NKAIN2: variants seen among roughly 807,000 people sequenced by gnomAD.
NKAIN2 encodes sodium/potassium transporting ATPase interacting 2.
A neutral mutation model predicts 32.6 loss-of-function variants in NKAIN2; 14 were observed. That is an observed-to-expected ratio of 0.43 (90% CI 0.28 to 0.67). The LOEUF is 0.67. NKAIN2 is among the 30% of genes least tolerant of loss of function. The probability of loss-of-function intolerance (pLI) is 0.17; values close to 1 mark genes in which losing one functional copy is unlikely to be tolerated. For missense variants in NKAIN2, 198 were observed against 258.3 expected (o/e 0.77, Z 1.60); for synonymous variants, 80 against 87.2 (o/e 0.92, Z 0.46).
chr6:124,784,978 T>A (rs1213452956), intron 4 of NKAIN2, among the ~76,000 whole-genome samples: 1 of 152,150 alleles, frequency 6.6e-6, no homozygotes, highest in Non-Finnish European at 1.5e-5. Context: ...TTGTGTCCTT[T>A]GCCAAATTTC....
chr6:124,005,750 G>C (rs559406019), intron 1 of NKAIN2, among the ~76,000 whole-genome samples: 17 of 152,288 alleles, frequency 1.1e-4, no homozygotes, highest in African/African-American at 4.1e-4. Context: ...AGTTTTGACA[G>C]TCTGGTATGG....
intron 1 of NKAIN2, among the ~76,000 whole-genome samples, chr6:124,251,998 A>T (rs1472908421): frequency 2.0e-5 from 3 of 152,056 alleles, no homozygotes; most frequent in African/African-American, 7.2e-5. Flanking sequence ...TATATATTAC[A>T]TGTATTGAAA....
In NKAIN2 at chr6:124,729,763, C is replaced by G. The variant is rs1312497861; in HGVS notation, c.475-61576C>G. On this transcript the variant is annotated intron_variant, in intron 4 of 6. Coordinates refer to ENST00000368417, the MANE Select transcript of NKAIN2 (RefSeq NM_001040214.3). Reference sequence around the variant, plus strand: ...GTATTCAATTAGGAAAAGAGGAAGTCAAATTGTCCCTCTTTGCAGATGACA... The same window carrying G: ...GTATTCAATTAGGAAAAGAGGAAGTGAAATTGTCCCTCTTTGCAGATGACA... 5.3e-4 allele frequency among the ~76,000 whole-genome samples: 80 copies of G among 151,638 alleles called. 1 individual carries two copies. Among genetic ancestry groups the G allele is most frequent in the Admixed American group, 4.5e-3 (68 of 15,228 alleles).
intron 1 of NKAIN2, among the ~76,000 whole-genome samples, chr6:124,252,311 A>G (rs1394997342): frequency 6.6e-6 from 1 of 152,214 alleles, no homozygotes; most frequent in African/African-American, 2.4e-5. Flanking sequence ...AGAATAAATC[A>G]TAAAATAATT....
chr6:124,224,493 A>G (rs1013544195), intron 1 of NKAIN2, among the ~76,000 whole-genome samples: 2 of 152,082 alleles, frequency 1.3e-5, no homozygotes, highest in African/African-American at 4.8e-5. Context: ...AGATGCTGGT[A>G]AGCAAACTGT....
intron 3 of NKAIN2, among the ~76,000 whole-genome samples, chr6:124,540,330 C>T (rs1226295755): frequency 1.3e-5 from 2 of 152,202 alleles, no homozygotes; most frequent in Non-Finnish European, 2.9e-5. Flanking sequence ...GAAATTAAGT[C>T]TCATGGGTCT....
intron 5 of NKAIN2, among the ~76,000 whole-genome samples, chr6:124,809,170 G>C (rs564467189): frequency 6.6e-6 from 1 of 151,928 alleles, no homozygotes; most frequent in African/African-American, 2.4e-5. Flanking sequence ...AGCCTGCATC[G>C]CCAAGTCAAT....
intron 3 of NKAIN2, among the ~76,000 whole-genome samples, chr6:124,377,611 G>A (rs892898057): frequency 8.5e-5 from 13 of 152,114 alleles, no homozygotes; most frequent in African/African-American, 2.7e-4. Flanking sequence ...CACTGGCCAG[G>A]AGAGCAAGAG....
chr6:124,670,055 C>A (rs1031112810), intron 4 of NKAIN2, among the ~76,000 whole-genome samples: 2 of 151,980 alleles, frequency 1.3e-5, no homozygotes, highest in Non-Finnish European at 2.9e-5. Flanking sequence ...CGCAGTTTTG[C>A]CATTTGAAAG....
At chr6:124,803,407 A>G (rs1347344427) in intron 5 of NKAIN2, among the ~76,000 whole-genome samples, 1 of 152,196 alleles carries the variant, frequency 6.6e-6, no homozygotes, top group Non-Finnish European at 1.5e-5. Context: ...ATTCTTGACC[A>G]TTCACTGGAC....
intron 3 of NKAIN2, among the ~76,000 whole-genome samples, chr6:124,546,216 G>A (rs1780089303): frequency 6.6e-6 from 1 of 152,032 alleles, no homozygotes; most frequent in Non-Finnish European, 1.5e-5. Context: ...AGGAGTGGAG[G>A]GGCATACCCT....
chr6:124,218,245 G>A (rs993864450), intron 1 of NKAIN2, among the ~76,000 whole-genome samples: 2 of 152,092 alleles, frequency 1.3e-5, no homozygotes, highest in Non-Finnish European at 2.9e-5. Context: ...AAGATACATG[G>A]CATAGAGCAT....
chr6:124,806,158 G>A (rs1356399597), intron 5 of NKAIN2, among the ~76,000 whole-genome samples: 3 of 152,024 alleles, frequency 2.0e-5, no homozygotes, highest in Non-Finnish European at 4.4e-5. Context: ...GATACTCCTC[G>A]AGAAGAGCAA....
intron 1 of NKAIN2, among the ~76,000 whole-genome samples, chr6:123,914,249 C>A (rs1397943567): frequency 6.6e-6 from 1 of 150,412 alleles, no homozygotes; most frequent in African/African-American, 2.5e-5. Flanking sequence ...GACAGAGAGA[C>A]AGAGACAGAG....
intron 1 of NKAIN2, among the ~76,000 whole-genome samples, chr6:124,016,447 A>G (rs1780577825): frequency 6.6e-6 from 1 of 152,218 alleles, no homozygotes; most frequent in African/African-American, 2.4e-5. Context: ...TTTTCTCAAA[A>G]TAGATTGAAC....
chr6:124,581,056 AAGAG>A (rs1428818658), intron 3 of NKAIN2, among the ~76,000 whole-genome samples: 2 of 152,228 alleles, frequency 1.3e-5, no homozygotes, highest in African/African-American at 4.8e-5. Context: ...ATTAGAGCTA[AAGAG>A]AGAGATAGAC....
intron 2 of NKAIN2, among the ~76,000 whole-genome samples, chr6:124,294,247 C>G (rs982111123): frequency 2.0e-5 from 3 of 151,938 alleles, no homozygotes; most frequent in Non-Finnish European, 4.4e-5. Flanking sequence ...ACAATCTGCT[C>G]TAGTAGTAAC....
intron 3 of NKAIN2, among the ~76,000 whole-genome samples, chr6:124,396,465 T>C (rs80234262): frequency 0.011 from 1,588 of 149,692 alleles, 9 homozygotes; most frequent in Non-Finnish European, 0.017. Context: ...AGAGATTCAA[T>C]GAGGCTTGGA....
intron 3 of NKAIN2, among the ~76,000 whole-genome samples, chr6:124,646,510 G>A (rs2114378001): frequency 6.6e-6 from 1 of 152,148 alleles, no homozygotes; most frequent in African/African-American, 2.4e-5. Flanking sequence ...CAATAATATT[G>A]TCTAGACTAT....
Sources: gnomAD v4.1 joint callset for allele counts (sites outside exome capture counted in the v4.1 genomes callset) on GRCh38, gnomAD v4.1.1 for gene constraint, MANE v1.5 for transcripts, NCBI Gene and HGNC (gene_info 2026-07-23, HGNC 2026-07-21) for gene names.